THSD7A: variants seen among roughly 807,000 people sequenced by gnomAD.
The protein encoded by THSD7A is thrombospondin type-1 domain-containing protein 7A.
Under a neutral mutation model 231.3 loss-of-function variants are expected in THSD7A, and 96 were observed. The observed-to-expected ratio is 0.41, with a 90% CI of 0.35 to 0.49. The LOEUF (loss-of-function observed/expected upper bound fraction) is 0.49. THSD7A is among the 20% of genes least tolerant of loss of function. The pLI, the probability that THSD7A is intolerant of heterozygous loss-of-function variation, is 0.05. For missense variants in THSD7A, 2,290 were observed against 2,070.2 expected, an observed-to-expected ratio of 1.11 and a Z score of -2.06; for synonymous variants, 940 against 743.3, an observed-to-expected ratio of 1.26 and a Z score of -4.30.
chr7:11,801,868 C>A lies in THSD7A; in HGVS notation c.190+29889G>T, dbSNP rs575561595. 3.3e-5 allele frequency among the ~76,000 whole-genome samples: 5 copies of A among 152,266 alleles called. No homozygotes were observed. The East Asian group carries it at 9.6e-4, about 29-fold the overall frequency. ...AATTAAAGTAACACATATTTAAGAA[C>A]ATTTAGGCATATTCTCACACTGCAT... On this transcript the variant is annotated intron_variant, in intron 1 of 27. Transcript: ENST00000423059.
At chr7:11,482,014 T>C (rs1308335879) in intron 6 of THSD7A, 32 bp from the exon 7 acceptor site, 12 of 1,543,958 alleles carry the variant, frequency 7.8e-6, no homozygotes, top group Non-Finnish European at 9.7e-6. Context: ...ACAGCTATTA[T>C]TGTTAAATTA....
At chr7:11,659,989 C>G (rs1782866470) in intron 1 of THSD7A, among the ~76,000 whole-genome samples, 1 of 151,464 alleles carries the variant, frequency 6.6e-6, no homozygotes, top group East Asian at 1.9e-4. Flanking sequence ...ATATTTCTTA[C>G]AGACCTCCAA....
chr7:11,453,327 T>C (rs1388537591), intron 11 of THSD7A, among the ~76,000 whole-genome samples: 1 of 738 alleles, frequency 1.4e-3, no homozygotes, highest in Non-Finnish European at 2.0e-3. Context: ...TTCTTTTACC[T>C]TTTTTTTTTT....
chr7:11,523,373 T>C (rs1466418207), intron 6 of THSD7A, among the ~76,000 whole-genome samples: 1 of 152,108 alleles, frequency 6.6e-6, no homozygotes, highest in African/African-American at 2.4e-5. Flanking sequence ...TTTGAGAATT[T>C]CTTTGTTCCA....
At chr7:11,794,456 G>T (rs1784057544) in intron 1 of THSD7A, among the ~76,000 whole-genome samples, 1 of 151,864 alleles carries the variant, frequency 6.6e-6, no homozygotes, top group African/African-American at 2.4e-5. Flanking sequence ...CAGATGTAAA[G>T]GCAAATGAAA....
In THSD7A at chr7:11,801,189, G is replaced by T. The variant is rs1055940253; in HGVS notation, c.190+30568C>A. On this transcript the variant is annotated intron_variant, in intron 1 of 27. Transcript: ENST00000423059. ...TGTATGTATTAAATGTGTGCCATTTGCATATTAGTTATAACACAATAAAGC... is the reference window on the plus strand; with the variant it reads ...TGTATGTATTAAATGTGTGCCATTTTCATATTAGTTATAACACAATAAAGC... 7.2e-5 allele frequency among the ~76,000 whole-genome samples: 11 copies of T among 152,042 alleles called. No individual in the cohort carries two copies. In the East Asian group the frequency reaches 2.1e-3, roughly 29 times the overall value.
intron 6 of THSD7A, among the ~76,000 whole-genome samples, chr7:11,505,214 C>A (rs1428904248): frequency 1.3e-5 from 2 of 152,072 alleles, no homozygotes; most frequent in African/African-American, 4.8e-5. Context: ...GACTAAAATT[C>A]TTTGATAAAA....
intron 4 of THSD7A, among the ~76,000 whole-genome samples, chr7:11,548,996 A>C (rs537088642): frequency 6.6e-6 from 1 of 152,150 alleles, no homozygotes; most frequent in Admixed American, 6.5e-5. Context: ...AAAGTTTTGC[A>C]ATCTATCCAT....
At chr7:11,481,035 CTT>C (rs1339020367) in intron 7 of THSD7A, among the ~76,000 whole-genome samples, 2 of 152,060 alleles carry the variant, frequency 1.3e-5, no homozygotes, top group Non-Finnish European at 2.9e-5. Flanking sequence ...TTTTCTCACT[CTT>C]GTGTTATTTT....
intron 6 of THSD7A, among the ~76,000 whole-genome samples, chr7:11,495,521 T>G (rs1444071450): frequency 6.6e-6 from 1 of 152,126 alleles, no homozygotes; most frequent in Non-Finnish European, 1.5e-5. Flanking sequence ...TAGTAGTTGG[T>G]GAACAGTTTC....
At chr7:11,468,388 TAAA>T (rs879316312) in intron 9 of THSD7A, among the ~76,000 whole-genome samples, 1 of 140,318 alleles carries the variant, frequency 7.1e-6, no homozygotes. Flanking sequence ...TTATTCAGCT[TAAA>T]AAAAAAAAAA....
intron 4 of THSD7A, among the ~76,000 whole-genome samples, chr7:11,574,273 A>T (rs1790781497): frequency 6.6e-6 from 1 of 152,004 alleles, no homozygotes; most frequent in South Asian, 2.1e-4. Context: ...TTCTCCTTCC[A>T]TTAAAGTGTA....
chr7:11,384,961 T>C (rs1000836063), intron 23 of THSD7A: 3 of 151,990 alleles, frequency 2.0e-5, no homozygotes, highest in African/African-American at 7.2e-5. Context: ...TTCATAAACA[T>C]TTTCACCAAC....
intron 1 of THSD7A, among the ~76,000 whole-genome samples, chr7:11,712,939 C>G (rs1321800107): frequency 2.0e-5 from 3 of 151,066 alleles, no homozygotes; most frequent in Non-Finnish European, 4.5e-5. Context: ...ATTAAACATT[C>G]TAAGCCTAGG....
Position 11,566,965 on chromosome 7 carries a change from T to TAGCGGGGAGGGG in THSD7A, c.1453+23494_1453+23495insCCCCTCCCCGCT. 4.3e-5 allele frequency among the ~76,000 whole-genome samples: 4 copies of TAGCGGGGAGGGG among 92,306 alleles called. 2 individuals are homozygous for TAGCGGGGAGGGG. Among genetic ancestry groups the TAGCGGGGAGGGG allele is most frequent in the Non-Finnish European group, 8.4e-5 (4 of 47,660 alleles). The allele number at this position is 92,306 out of a possible 152,430, so 60.6% of individuals were successfully genotyped here. On this transcript the variant is annotated intron_variant, in intron 4 of 27. Coordinates refer to ENST00000423059, the MANE Select transcript of THSD7A (RefSeq NM_015204.3). ...CAAAGTGGATCCAGCTGTGGGAGAG[T>TAGCGGGGAGGGG]GGGGGGGGGACTGACCAACAAAGTT...
intron 6 of THSD7A, among the ~76,000 whole-genome samples, chr7:11,490,634 TC>T (rs1471857588): frequency 1.3e-5 from 2 of 152,072 alleles, no homozygotes; most frequent in Non-Finnish European, 2.9e-5. Flanking sequence ...ATTCCTTTTT[TC>T]CCCAGTTATT....
chr7:11,392,644 C>G (rs1188105925), intron 23 of THSD7A, among the ~76,000 whole-genome samples: 2 of 152,230 alleles, frequency 1.3e-5, no homozygotes, highest in Non-Finnish European at 2.9e-5. Context: ...TTGACATTCT[C>G]ACTGCCAGCA....
rs1785180372 is a variant in THSD7A, at chr7:11,831,155, G to C, written c.190+602C>G. Among the ~76,000 whole-genome samples the C allele has an allele frequency of 6.6e-6, 1 of 152,198 alleles. No homozygotes were observed. The highest frequency in any genetic ancestry group is 1.5e-5 in the Non-Finnish European group (1 of 68,028). On this transcript the variant is annotated intron_variant, in intron 1 of 27. Coordinates refer to ENST00000423059, the MANE Select transcript of THSD7A (RefSeq NM_015204.3). The surrounding 1 kb of genome is among the most constrained non-coding windows in gnomAD (Gnocchi z 5.0). ...ACAATTCTCAAGGAAGGAAGAGAAA[G>C]TTTGAACCCAGACATCCTAAAAGTT...
rs143891220 is a variant in THSD7A at position 11,789,862 on chromosome 7, C to T, written c.190+41895G>A. On this transcript the variant is annotated intron_variant, in intron 1 of 27. Coordinates refer to ENST00000423059, the MANE Select transcript of THSD7A (RefSeq NM_015204.3). ...ATAACTCCTTTGGGTGCACTTCTTC[C>T]TAAGTATCCTGTAAGCTCCTTGTAG... is the stretch of plus-strand genomic sequence containing the variant. Among the ~76,000 whole-genome samples, 641 of 152,026 alleles carry T rather than the reference C, an allele frequency of 4.2e-3. 5 individuals carry two copies. The highest frequency in any genetic ancestry group is 0.014 in the African/African-American group (589 of 41,504).
Sources: gnomAD v4.1 joint callset for allele counts (sites outside exome capture counted in the v4.1 genomes callset) on GRCh38, gnomAD v4.1.1 for gene constraint, Gnocchi (gnomAD v3.1) non-coding constraint, MANE v1.5 for transcripts, NCBI Gene and HGNC (gene_info 2026-07-23, HGNC 2026-07-21) for gene names.